Variants in DPP10 observed in about 807,000 individuals in gnomAD.
The protein encoded by DPP10 is inactive dipeptidyl peptidase 10.
A neutral mutation model predicts 120.9 loss-of-function variants in DPP10; 33 were observed. The ratio of observed to expected loss-of-function variants is 0.27; its 90% CI spans 0.21 to 0.37. The LOEUF is 0.37. Among genes scored for constraint, DPP10 ranks in the 10% least tolerant of loss-of-function variants. The probability of loss-of-function intolerance (pLI) is 1.00; values close to 1 mark genes in which losing one functional copy is unlikely to be tolerated. For synonymous variants in DPP10, 337 were observed against 326.1 expected (o/e 1.03, Z -0.36); for missense variants, 816 against 942.8 (o/e 0.87, Z 1.76).
chr2:114,871,356 A>G (rs894278955), intron 1 of DPP10, among the ~76,000 whole-genome samples: 2 of 152,218 alleles, frequency 1.3e-5, no homozygotes. Context: ...TGTACTATAC[A>G]CATCAGGAAA....
intron 1 of DPP10, among the ~76,000 whole-genome samples, chr2:114,473,196 G>A (rs182755097): frequency 3.3e-5 from 5 of 152,262 alleles, no homozygotes; most frequent in Admixed American, 3.3e-4. Context: ...ATCTCTGGCA[G>A]TGAACAATAG....
intron 5 of DPP10, among the ~76,000 whole-genome samples, chr2:115,653,883 A>T (rs764595202): frequency 1.1e-4 from 16 of 151,898 alleles, no homozygotes; most frequent in Non-Finnish European, 2.2e-4. Flanking sequence ...CCTTTTTGTT[A>T]TCCATGTTTT....
At chr2:114,561,369 T>C (rs185392744) in intron 1 of DPP10, among the ~76,000 whole-genome samples, 2 of 152,204 alleles carry the variant, frequency 1.3e-5, no homozygotes, top group Non-Finnish European at 2.9e-5. Flanking sequence ...TTCCTCAAAA[T>C]AGAGCACACA....
In DPP10 at chr2:115,335,200, G is replaced by T. The variant is rs1483460573; in HGVS notation, c.176-8617G>T. On this transcript the variant is annotated intron_variant, in intron 2 of 25. Coordinates refer to ENST00000410059, the MANE Select transcript of DPP10 (RefSeq NM_020868.6). The stretch of plus-strand genomic sequence containing the variant: ...CATGAGAACAGTGAAGGAAAGACCT[G>T]ACCCCATATTTCAGTCACCTCCCAC... Among the ~76,000 whole-genome samples, 6 of 151,934 alleles carry T rather than the reference G, an allele frequency of 3.9e-5. No homozygotes were observed. The East Asian group carries it at 1.2e-3, about 29-fold the overall frequency.
intron 1 of DPP10, among the ~76,000 whole-genome samples, chr2:114,973,607 A>G (rs555245941): frequency 7.2e-6 from 1 of 139,446 alleles, no homozygotes; most frequent in African/African-American, 2.6e-5. Flanking sequence ...GCTTGCAGTG[A>G]GCCGAGATCG....
chr2:114,557,836 T>C (rs1476648458), intron 1 of DPP10, among the ~76,000 whole-genome samples: 1 of 152,178 alleles, frequency 6.6e-6, no homozygotes, highest in Non-Finnish European at 1.5e-5. Flanking sequence ...ATCATGATAG[T>C]CACCTAATTT....
chr2:114,874,633 A>G (rs1339564372), intron 1 of DPP10, among the ~76,000 whole-genome samples: 1 of 152,078 alleles, frequency 6.6e-6, no homozygotes, highest in Non-Finnish European at 1.5e-5. Flanking sequence ...CAATGTAATA[A>G]TAATAGTATA....
At chr2:114,748,331 G>A (rs1678786797) in intron 1 of DPP10, among the ~76,000 whole-genome samples, 1 of 124,266 alleles carries the variant, frequency 8.0e-6, no homozygotes, top group South Asian at 2.9e-4. Flanking sequence ...AGGACAAAGG[G>A]AATTTTCTTT....
chr2:114,552,553 C>CT (rs1345072105), intron 1 of DPP10, among the ~76,000 whole-genome samples: 218 of 148,218 alleles, frequency 1.5e-3, no homozygotes, highest in Non-Finnish European at 1.6e-3. Flanking sequence ...TTCTCTTTTT[C>CT]TTTTTTTTTT....
chr2:115,672,511 C>A (rs1200468157), intron 5 of DPP10, among the ~76,000 whole-genome samples: 1 of 151,936 alleles, frequency 6.6e-6, no homozygotes, highest in East Asian at 1.9e-4. Flanking sequence ...CTACAGATAG[C>A]CTAAGAAAAT....
At chr2:115,075,202 G>C (rs376607466) in intron 1 of DPP10, among the ~76,000 whole-genome samples, 8 of 152,158 alleles carry the variant, frequency 5.3e-5, no homozygotes, top group Admixed American at 3.3e-4. Flanking sequence ...TGATCACATT[G>C]GTGTTTGCAT....
chr2:114,790,893 G>A (rs920910818), intron 1 of DPP10, among the ~76,000 whole-genome samples: 1 of 152,180 alleles, frequency 6.6e-6, no homozygotes, highest in Non-Finnish European at 1.5e-5. Flanking sequence ...CAGGGGATGC[G>A]ATGGCTTGGC....
At chr2:115,276,027 G>A (rs2059908606) in intron 1 of DPP10, among the ~76,000 whole-genome samples, 1 of 152,142 alleles carries the variant, frequency 6.6e-6, no homozygotes, top group East Asian at 1.9e-4. Context: ...AACTCTTGGT[G>A]GCAGAAACAT....
At chr2:115,174,397 GATTT>G (rs2053563483) in intron 1 of DPP10, among the ~76,000 whole-genome samples, 1 of 152,156 alleles carries the variant, frequency 6.6e-6, no homozygotes, top group Admixed American at 6.5e-5. Flanking sequence ...GAGGAAGAGA[GATTT>G]ATATAGTCTG....
intron 1 of DPP10, among the ~76,000 whole-genome samples, chr2:114,913,660 A>C (rs1013250800): frequency 6.6e-6 from 1 of 152,220 alleles, no homozygotes; most frequent in African/African-American, 2.4e-5. Context: ...AAAGTCTAAA[A>C]TCCAGAGAAC....
intron 1 of DPP10, among the ~76,000 whole-genome samples, chr2:115,123,462 A>C (rs2049923505): frequency 6.6e-6 from 1 of 152,108 alleles, no homozygotes; most frequent in Non-Finnish European, 1.5e-5. Context: ...AAGTAGTGCA[A>C]ATGCTCATTT....
chr2:115,289,803 A>G (rs1391094684), intron 1 of DPP10, among the ~76,000 whole-genome samples: 1 of 152,128 alleles, frequency 6.6e-6, no homozygotes, highest in Non-Finnish European at 1.5e-5. Flanking sequence ...CACAGGTGGA[A>G]GAACAAAACT....
At chr2:114,632,398 A>G (rs1238104154) in intron 1 of DPP10, among the ~76,000 whole-genome samples, 1 of 150,624 alleles carries the variant, frequency 6.6e-6, no homozygotes, top group Non-Finnish European at 1.5e-5. Context: ...TATAAGTACT[A>G]TATATATATA....
intron 5 of DPP10, among the ~76,000 whole-genome samples, chr2:115,623,528 T>C (rs559208932): frequency 1.3e-4 from 20 of 152,204 alleles, no homozygotes; most frequent in Non-Finnish European, 2.6e-4. Context: ...TCTTATTATA[T>C]GCCAGTGGCT....
Sources: gnomAD v4.1 joint callset for allele counts (sites outside exome capture counted in the v4.1 genomes callset) on GRCh38, gnomAD v4.1.1 for gene constraint, MANE v1.5 for transcripts, NCBI Gene and HGNC (gene_info 2026-07-23, HGNC 2026-07-21) for gene names.